The following RAPGEF4 variants were observed in gnomAD, a reference collection of about 807,000 sequenced individuals.
The protein encoded by RAPGEF4 is RAP guanine-nucleotide-exchange factor (GEF) 4.
Under a neutral mutation model 147.9 loss-of-function variants are expected in RAPGEF4, and 66 were observed. The observed-to-expected ratio is 0.45, with a 90% confidence interval of 0.37 to 0.55. The LOEUF (loss-of-function observed/expected upper bound fraction) is 0.55, where lower values mean the gene tolerates loss of function less well. Ranked by LOEUF, RAPGEF4 falls within the 20% of genes least tolerant of loss-of-function variation. The pLI is 0.00. For missense variants in RAPGEF4, 1,071 were observed against 1,257.3 expected (o/e 0.85, Z 2.24); for synonymous variants, 419 against 442.7 (o/e 0.95, Z 0.67).
chr2:172,976,421 T>G lies in RAPGEF4; in HGVS notation c.1005-7075T>G, dbSNP rs1393964214. Among the ~76,000 whole-genome samples the G allele has an allele frequency of 7.2e-5, 11 of 152,186 alleles. No individual in the cohort carries two copies. In the East Asian group the frequency reaches 2.1e-3, roughly 29 times the overall value. On this transcript the variant is annotated intron_variant, in intron 10 of 30. Coordinates refer to ENST00000397081, the MANE Select transcript of RAPGEF4 (RefSeq NM_007023.4). ...TAAGGGAAGTGGAAGAAGCGAGATC[T>G]TAAGATCTTAACAGTGTGGGAAAAT...
intron 4 of RAPGEF4, among the ~76,000 whole-genome samples, chr2:172,816,433 T>C (rs1332771067): frequency 6.6e-6 from 1 of 152,162 alleles, no homozygotes; most frequent in African/African-American, 2.4e-5. Context: ...TTCCTATAAA[T>C]GGAAATTAGG....
chr2:173,034,323 T>C (rs1297464238), intron 27 of RAPGEF4, among the ~76,000 whole-genome samples: 1 of 152,060 alleles, frequency 6.6e-6, no homozygotes, highest in East Asian at 1.9e-4. Flanking sequence ...AAGGAGTGAG[T>C]TGGGCTCGCC....
At chr2:173,015,464 C>T (rs1018367034) in intron 18 of RAPGEF4, among the ~76,000 whole-genome samples, 23 of 152,160 alleles carry the variant, frequency 1.5e-4, no homozygotes, top group Admixed American at 1.4e-3. Flanking sequence ...AAACATACAC[C>T]GTCTCTCCTT....
chr2:173,042,965 G>A lies in RAPGEF4; in HGVS notation c.2854-5635G>A, dbSNP rs566487586. Among the ~76,000 whole-genome samples the A allele has an allele frequency of 6.6e-6, 1 of 152,308 alleles. No homozygotes were observed. The highest frequency in any genetic ancestry group is 2.4e-5 in the African/African-American group (1 of 41,562). Reference sequence around the variant, plus strand: ...GATCTGTAGGGAGACCGGACTCAGGGCTCCTCCTCAATGATGCACACAGTG... The same window carrying A: ...GATCTGTAGGGAGACCGGACTCAGGACTCCTCCTCAATGATGCACACAGTG... On this transcript the variant is annotated intron_variant, in intron 29 of 30. Transcript: ENST00000397081. The surrounding 1 kb of genome is among the most constrained non-coding windows in gnomAD (Gnocchi z 4.2).
At chr2:172,997,995 A>G (rs144765696) in intron 16 of RAPGEF4, among the ~76,000 whole-genome samples, 91 of 152,328 alleles carry the variant, frequency 6.0e-4, no homozygotes, top group Admixed American at 9.8e-4. Context: ...CTCCAGGCCA[A>G]TTATTCTCAG....
intron 4 of RAPGEF4, among the ~76,000 whole-genome samples, chr2:172,873,872 C>G (rs1193191900): frequency 6.6e-6 from 1 of 152,120 alleles, no homozygotes. Flanking sequence ...ACAACCTAAT[C>G]AAAAAGTGGG....
chr2:172,947,805 A>T (rs998524220), intron 6 of RAPGEF4, among the ~76,000 whole-genome samples: 2 of 152,072 alleles, frequency 1.3e-5, no homozygotes, highest in African/African-American at 4.8e-5. Context: ...CTGAGTTTTC[A>T]TTAAAGAATA....
chr2:172,989,192 C>A (rs1283159254), intron 14 of RAPGEF4, among the ~76,000 whole-genome samples: 3 of 152,208 alleles, frequency 2.0e-5, no homozygotes, highest in African/African-American at 7.2e-5. Context: ...TCCTTCCCAT[C>A]CCACTCTCCA....
intron 23 of RAPGEF4, among the ~76,000 whole-genome samples, chr2:173,020,963 T>A (rs113665914): frequency 6.6e-6 from 1 of 152,222 alleles, no homozygotes; most frequent in Non-Finnish European, 1.5e-5. Context: ...GAACTCTTTG[T>A]TGTAATTCGC....
At chr2:172,891,613 G>C (rs1187170912) in intron 4 of RAPGEF4, among the ~76,000 whole-genome samples, 2 of 152,154 alleles carry the variant, frequency 1.3e-5, no homozygotes, top group African/African-American at 4.8e-5. Flanking sequence ...GGGATCAGAG[G>C]CAGATGGAAG....
At chr2:172,814,694 T>C in intron 4 of RAPGEF4, 2 of 440,926 alleles carry the variant, frequency 4.5e-6, no homozygotes, top group South Asian at 4.5e-5. Flanking sequence ...TAGAGTGTTT[T>C]ATGTATTTTC....
chr2:173,048,438 TAAAC>T (rs1368184344), intron 29 of RAPGEF4, 158 bp from the exon 30 acceptor site: 4 of 1,417,376 alleles, frequency 2.8e-6, no homozygotes, highest in East Asian at 5.2e-5. Flanking sequence ...TTGAAATAAT[TAAAC>T]AAGTTATACA....
At chr2:172,889,066 T>C (rs1329250788) in intron 4 of RAPGEF4, among the ~76,000 whole-genome samples, 1 of 152,232 alleles carries the variant, frequency 6.6e-6, no homozygotes, top group Admixed American at 6.5e-5. Flanking sequence ...TTTCTGAGAT[T>C]GATAGGCAGT....
chr2:172,779,390 A>G (rs1220402020), intron 1 of RAPGEF4, among the ~76,000 whole-genome samples: 1 of 152,216 alleles, frequency 6.6e-6, no homozygotes, highest in Non-Finnish European at 1.5e-5. Context: ...AGGCAAGGGC[A>G]TGAGCTGGGC....
intron 1 of RAPGEF4, among the ~76,000 whole-genome samples, chr2:172,774,382 T>C (rs1026197023): frequency 2.0e-5 from 3 of 152,222 alleles, no homozygotes; most frequent in Admixed American, 6.5e-5. Flanking sequence ...GCTGCCCCAA[T>C]TGGGTCCCAA....
At chr2:172,841,791 A>AACACACAC (rs3064818) in intron 4 of RAPGEF4, among the ~76,000 whole-genome samples, 8 of 147,004 alleles carry the variant, frequency 5.4e-5, no homozygotes, top group African/African-American at 1.5e-4. Flanking sequence ...TTGGCTGAAT[A>AACACACAC]ACACACACAC....
intron 4 of RAPGEF4, among the ~76,000 whole-genome samples, chr2:172,822,261 T>C (rs368418692): frequency 2.0e-5 from 3 of 152,230 alleles, no homozygotes; most frequent in East Asian, 3.8e-4. Context: ...TAAAAGTAGT[T>C]GTTCATAACT....
At chr2:172,808,337 C>T (rs922446318) in intron 3 of RAPGEF4, among the ~76,000 whole-genome samples, 4 of 152,076 alleles carry the variant, frequency 2.6e-5, no homozygotes, top group African/African-American at 4.8e-5. Context: ...ATTTACAGCA[C>T]GGTTTGTCAG....
intron 4 of RAPGEF4, among the ~76,000 whole-genome samples, chr2:172,912,374 T>C (rs1045081084): frequency 3.9e-5 from 6 of 152,220 alleles, no homozygotes; most frequent in Admixed American, 1.3e-4. Context: ...TACTGTGATA[T>C]AGCATCCTTA....
Sources: gnomAD v4.1 joint callset for allele counts (sites outside exome capture counted in the v4.1 genomes callset) on GRCh38, gnomAD v4.1.1 for gene constraint, Gnocchi (gnomAD v3.1) non-coding constraint, MANE v1.5 for transcripts, NCBI Gene and HGNC (gene_info 2026-07-23, HGNC 2026-07-21) for gene names.